Variants in COPG2 observed in about 807,000 individuals in gnomAD.
The protein encoded by COPG2 is coatomer subunit gamma-2.
Under a neutral mutation model 46.3 loss-of-function variants are expected in COPG2, and 37 were observed. That is an observed-to-expected ratio of 0.80 (90% confidence interval 0.61 to 1.05). The LOEUF (loss-of-function observed/expected upper bound fraction) is 1.05. Among genes scored for constraint, COPG2 ranks in the 50% least tolerant of loss-of-function variants. The pLI is 0.00. For missense variants in COPG2, 427 were observed against 387.8 expected (o/e 1.10, Z -0.85); for synonymous variants, 159 against 129.7 (o/e 1.23, Z -1.53).
intron 9 of COPG2, among the ~76,000 whole-genome samples, chr7:130,566,209 T>C (rs1453498864): frequency 3.3e-5 from 5 of 152,228 alleles, no homozygotes; most frequent in Non-Finnish European, 5.9e-5. Context: ...TGTATCTCAT[T>C]GTGGTTTCGA....
intron 9 of COPG2, among the ~76,000 whole-genome samples, chr7:130,579,350 G>A (rs1380650769): frequency 2.7e-5 from 4 of 147,904 alleles, no homozygotes; most frequent in East Asian, 2.0e-4. Context: ...TGAAGGAAGC[G>A]CTAAACATGG....
intron 9 of COPG2, among the ~76,000 whole-genome samples, chr7:130,606,625 T>C (rs1563057352): frequency 6.6e-6 from 1 of 152,236 alleles, no homozygotes; most frequent in East Asian, 1.9e-4. Flanking sequence ...AAAATGAAGA[T>C]GTGACCCAGT....
At chr7:130,535,550 A>G (rs1022998240) in intron 20 of COPG2, among the ~76,000 whole-genome samples, 3 of 146,738 alleles carry the variant, frequency 2.0e-5, no homozygotes, top group African/African-American at 7.5e-5. Context: ...GCAGGAAGGA[A>G]TGGCTGCTCT....
chr7:130,617,417 G>A (rs555498656), intron 5 of COPG2, among the ~76,000 whole-genome samples: 7 of 152,290 alleles, frequency 4.6e-5, no homozygotes, highest in South Asian at 2.1e-4. Context: ...GGTATAAAGC[G>A]TCCTAGTCTG....
At chr7:130,650,758 G>A (rs1427099179) in intron 5 of COPG2, among the ~76,000 whole-genome samples, 6 of 152,184 alleles carry the variant, frequency 3.9e-5, no homozygotes, top group Non-Finnish European at 7.3e-5. Context: ...CCTGATGAAA[G>A]AGGCAGATGG....
At chr7:130,515,752 A>C (rs1211200278) in intron 20 of COPG2, among the ~76,000 whole-genome samples, 3 of 152,182 alleles carry the variant, frequency 2.0e-5, no homozygotes, top group Non-Finnish European at 2.9e-5. Context: ...GGGAAGGGAT[A>C]AATGAATGAG....
At chr7:130,548,699 G>A (rs1351241337) in intron 18 of COPG2, among the ~76,000 whole-genome samples, 157 bp from the exon 19 acceptor site, 2 of 152,104 alleles carry the variant, frequency 1.3e-5, no homozygotes, top group South Asian at 2.1e-4. Flanking sequence ...TCAGGAGATC[G>A]AGACCATCCT....
In COPG2 at chr7:130,667,556, A is replaced by G. The variant is rs782244105; in HGVS notation, c.38-22T>C. 6.3e-5 allele frequency: 101 copies of G among 1,606,796 alleles called. 1 individual carries two copies. The South Asian group carries it at 7.5e-4, about 12-fold the overall frequency. The stretch of plus-strand genomic sequence containing the variant: ...CTACCTATTTATAAAACAAAACAAA[A>G]AAATGTCCTGAACAGCTGTTCTACA... On this transcript the variant is annotated intron_variant, in intron 1 of 23. Coordinates refer to ENST00000425248, the MANE Select transcript of COPG2 (RefSeq NM_012133.6).
intron 9 of COPG2, among the ~76,000 whole-genome samples, chr7:130,575,158 G>A (rs1055718186): frequency 3.3e-5 from 5 of 152,088 alleles, no homozygotes; most frequent in African/African-American, 4.8e-5. Context: ...AAATTTCCCC[G>A]GCCTTGCAAG....
At chr7:130,586,843 C>A (rs1794283086) in intron 9 of COPG2, among the ~76,000 whole-genome samples, 1 of 151,918 alleles carries the variant, frequency 6.6e-6, no homozygotes, top group African/African-American at 2.4e-5. Context: ...ATAAGTGGCA[C>A]CAAAAGTAAC....
intron 20 of COPG2, among the ~76,000 whole-genome samples, chr7:130,535,718 G>C (rs1323656931): frequency 1.4e-5 from 2 of 145,790 alleles, no homozygotes; most frequent in African/African-American, 5.1e-5. Context: ...AGTGGGACTG[G>C]GACTGGGGGA....
At chr7:130,596,439 G>A (rs1188680703) in intron 9 of COPG2, among the ~76,000 whole-genome samples, 2 of 152,146 alleles carry the variant, frequency 1.3e-5, no homozygotes, top group African/African-American at 2.4e-5. Context: ...TCTCTACTAC[G>A]AAGTTTTACT....
intron 5 of COPG2, among the ~76,000 whole-genome samples, chr7:130,630,679 ACTTTGTC>A (rs1795211308): frequency 6.6e-6 from 1 of 152,194 alleles, no homozygotes; most frequent in Non-Finnish European, 1.5e-5. Flanking sequence ...AAACAATATT[ACTTTGTC>A]CTCTTGGTAA....
At chr7:130,619,680 T>C (rs1795005069) in intron 5 of COPG2, among the ~76,000 whole-genome samples, 1 of 152,174 alleles carries the variant, frequency 6.6e-6, no homozygotes, top group South Asian at 2.1e-4. Flanking sequence ...CAGAATTCAC[T>C]CTTTTGATTT....
chr7:130,613,677 T>A, intron 6 of COPG2, 41 bp from the exon 7 acceptor site: 3 of 1,355,212 alleles, frequency 2.2e-6, no homozygotes, highest in Non-Finnish European at 3.1e-6. Context: ...AGGAAAAACA[T>A]GCTTATGCAA....
At chr7:130,665,663 A>C (rs1796062610) in intron 3 of COPG2, among the ~76,000 whole-genome samples, 1 of 152,124 alleles carries the variant, frequency 6.6e-6, no homozygotes, top group South Asian at 2.1e-4. Context: ...TGTGTAGGTT[A>C]TATGCAAATA....
intron 9 of COPG2, among the ~76,000 whole-genome samples, chr7:130,584,469 G>T (rs575946304): frequency 6.6e-6 from 1 of 152,112 alleles, no homozygotes; most frequent in Admixed American, 6.6e-5. Context: ...ATCAGACAAG[G>T]ATGCCCAAGA....
chr7:130,508,615 A>G lies in COPG2; in HGVS notation c.2194T>C (p.Cys732Arg). 1.3e-6 allele frequency: 1 copy of G among 775,966 alleles called. No individual in the cohort carries two copies. Among genetic ancestry groups the G allele is most frequent in the Non-Finnish European group, 2.4e-6 (1 of 416,030 alleles). The allele number at this position is 775,966 out of a possible 1,614,324, so 48.1% of individuals were successfully genotyped here. A position where few individuals can be genotyped will look rare whatever the true frequency, so the allele number is the denominator to read the frequency against. ...SCTMKFTVRD[C>R]DPNTGVPDED... Reference sequence around the variant, plus strand: ...TCTGGAACTCCAGTGTTAGGGTCACAGTCCCGGACTGTAAACTTCATGGTG... The same window carrying G: ...TCTGGAACTCCAGTGTTAGGGTCACGGTCCCGGACTGTAAACTTCATGGTG... The change falls in exon 21 of 24, where the codon TGT becomes CGT. Residue 732 changes from cysteine to arginine, a missense_variant. Transcript: ENST00000425248.
At chr7:130,590,865 G>A (rs587610429) in intron 9 of COPG2, among the ~76,000 whole-genome samples, 8 of 151,574 alleles carry the variant, frequency 5.3e-5, no homozygotes, top group Non-Finnish European at 1.2e-4. Context: ...CTGCCCAGCC[G>A]CCCCGTCTGA....
Sources: gnomAD v4.1 joint callset for allele counts (sites outside exome capture counted in the v4.1 genomes callset) on GRCh38, gnomAD v4.1.1 for gene constraint, MANE v1.5 for transcripts, NCBI Gene and HGNC (gene_info 2026-07-23, HGNC 2026-07-21) for gene names.